Variants in ANO3 observed in about 807,000 individuals in gnomAD.
ANO3 encodes the protein anoctamin 3.
ANO3 carries 99 observed loss-of-function variants against 144.8 expected under a neutral mutation model. The ratio of observed to expected loss-of-function variants is 0.68; its 90% confidence interval spans 0.58 to 0.81. The LOEUF (loss-of-function observed/expected upper bound fraction) is 0.81, where lower values mean the gene tolerates loss of function less well. ANO3 is among the 30% of genes least tolerant of loss of function. The pLI is 0.00. For synonymous variants in ANO3, 414 were observed against 392.6 expected (o/e 1.05, Z -0.64); for missense variants, 905 against 1,202.2 (o/e 0.75, Z 3.66).
chr11:26,262,785 C>A (rs527312561), intron 1 of ANO3, among the ~76,000 whole-genome samples: 10 of 151,770 alleles, frequency 6.6e-5, no homozygotes, highest in Admixed American at 4.6e-4. Flanking sequence ...AGTGAGGATA[C>A]AATGAGAAGA....
intron 14 of ANO3, among the ~76,000 whole-genome samples, chr11:26,593,282 T>C (rs906976930): frequency 6.6e-6 from 1 of 152,194 alleles, no homozygotes; most frequent in Non-Finnish European, 1.5e-5. Flanking sequence ...TAATGGCCCC[T>C]GCTTTTGCTA....
intron 17 of ANO3, among the ~76,000 whole-genome samples, chr11:26,618,782 A>G (rs1405322434): frequency 6.6e-6 from 1 of 152,106 alleles, no homozygotes; most frequent in Non-Finnish European, 1.5e-5. Flanking sequence ...CTTTCTCCAC[A>G]GTGCTTCCTG....
At chr11:26,409,527 G>A (rs1272240654) in intron 1 of ANO3, among the ~76,000 whole-genome samples, 5 of 151,786 alleles carry the variant, frequency 3.3e-5, no homozygotes, top group African/African-American at 7.3e-5. Flanking sequence ...ATACAGTTTC[G>A]TGACCTGAAA....
chr11:26,291,982 C>G (rs10834953), intron 1 of ANO3, among the ~76,000 whole-genome samples: 1 of 151,964 alleles, frequency 6.6e-6, no homozygotes, highest in African/African-American at 2.4e-5. Flanking sequence ...GAAGTTCTCC[C>G]GGGTAATATC....
chr11:26,608,081 C>T lies in ANO3; in HGVS notation c.1836+8367C>T, dbSNP rs542612144. Among the ~76,000 whole-genome samples, 33 of 152,242 alleles carry T rather than the reference C, an allele frequency of 2.2e-4. No individual in the cohort carries two copies. In the South Asian group the frequency reaches 5.8e-3, roughly 27 times the overall value. ...TCATCTTCGTTAGTTTGTCTAGTTT[C>T]GATCTTTGAGACTGCTGACCCTTGG... On this transcript the variant is annotated intron_variant, in intron 17 of 26. Transcript: ENST00000256737.
At position 26,324,423 on chromosome 11, in the gene ANO3, G is replaced by A. The variant is rs139893577; in HGVS notation, c.-3+14704G>A. The stretch of plus-strand genomic sequence containing the variant: ...CTGAGACCCTCAGCAAGAAGTGGAA[G>A]ATTTAATTGTATCACAACATTTAAG... On this transcript the variant is annotated intron_variant, in intron 1 of 26. Coordinates refer to the ANO3 transcript ENST00000525139. 4.6e-5 allele frequency among the ~76,000 whole-genome samples: 7 copies of A among 152,264 alleles called. No homozygotes were observed. In the East Asian group the frequency reaches 1.2e-3, roughly 25 times the overall value.
chr11:26,413,586 T>G (rs1857490232), intron 1 of ANO3, among the ~76,000 whole-genome samples: 1 of 152,036 alleles, frequency 6.6e-6, no homozygotes, highest in Non-Finnish European at 1.5e-5. Flanking sequence ...AAAAATAAAT[T>G]TAGTGTGAAA....
chr11:26,371,473 T>C (rs1309168237), intron 1 of ANO3, among the ~76,000 whole-genome samples: 6 of 152,170 alleles, frequency 3.9e-5, no homozygotes, highest in Non-Finnish European at 8.8e-5. Flanking sequence ...GGGGAAAGCC[T>C]AGTGGAGCTG....
chr11:26,296,218 A>G (rs1308781256), intron 1 of ANO3, among the ~76,000 whole-genome samples: 2 of 152,230 alleles, frequency 1.3e-5, no homozygotes, highest in Admixed American at 6.5e-5. Context: ...AAGGAAAATG[A>G]GCTCTCATTA....
At chr11:26,578,045 T>C (rs7101581) in intron 14 of ANO3, among the ~76,000 whole-genome samples, 74,728 of 151,958 alleles carry the variant, frequency 0.49, 18,477 homozygotes, top group South Asian at 0.63. Context: ...AGCACATGAG[T>C]GAGACCGAGT....
rs573621932 is a variant in ANO3, at chr11:26,639,314, C to T, written c.2141+73C>T. The T allele has an allele frequency of 2.0e-5, 23 of 1,138,294 alleles. No homozygotes were observed. The South Asian group carries it at 2.8e-4, about 14-fold the overall frequency. 70.5% of individuals were successfully genotyped at this position (1,138,294 alleles called of 1,614,324 possible). A position where few individuals can be genotyped will look rare whatever the true frequency, so the allele number is the denominator to read the frequency against. On this transcript the variant is annotated intron_variant, in intron 21 of 26. Coordinates refer to ENST00000256737, the MANE Select transcript of ANO3 (RefSeq NM_031418.4). ...AAAGCTAGAGGTGGCGTGAGTAGTG[C>T]TTAAGAATTTGGTCTTGGTAATCAG...
At chr11:26,553,971 T>A (rs1850012796) in intron 13 of ANO3, among the ~76,000 whole-genome samples, 1 of 152,176 alleles carries the variant, frequency 6.6e-6, no homozygotes, top group African/African-American at 2.4e-5. Context: ...GAAATGTACC[T>A]ACTTAAAGTG....
intron 1 of ANO3, among the ~76,000 whole-genome samples, chr11:26,223,987 G>A (rs964901855): frequency 6.6e-6 from 1 of 152,136 alleles, no homozygotes; most frequent in Non-Finnish European, 1.5e-5. Flanking sequence ...GAGATTTGGA[G>A]GAGACACACA....
In ANO3 at chr11:26,553,297, CA is replaced by C; in HGVS notation, c.1340del (p.Lys447ArgfsTer17). The stretch of plus-strand genomic sequence containing the variant: ...AAGTCTTTATGTGCCCTCTCTGTGA[CA>C]AGAACTGCTCCCTGCAGAGACTCAA... ...TEVFMCPLCD[K>X]NCSLQRLNDS... On this transcript the variant is annotated frameshift_variant, in exon 13 of 27. Transcript: ENST00000256737. LOFTEE classifies it high-confidence loss of function. 1 of 1,590,944 alleles carries C rather than the reference CA, an allele frequency of 6.3e-7. No individual in the cohort carries two copies. Among genetic ancestry groups the C allele is most frequent in the Non-Finnish European group, 8.6e-7 (1 of 1,164,668 alleles).
chr11:26,303,329 A>C (rs951381291), intron 1 of ANO3, among the ~76,000 whole-genome samples: 4 of 152,190 alleles, frequency 2.6e-5, no homozygotes, highest in Non-Finnish European at 4.4e-5. Flanking sequence ...TAAAAAAAAA[A>C]TGTGGTATAT....
At chr11:26,269,717 G>A (rs1413829322) in intron 1 of ANO3, among the ~76,000 whole-genome samples, 4 of 152,224 alleles carry the variant, frequency 2.6e-5, no homozygotes, top group Admixed American at 2.0e-4. Context: ...AAGGAGTCAC[G>A]GAGTCTGGAG....
intron 20 of ANO3, among the ~76,000 whole-genome samples, chr11:26,635,853 A>G (rs1044812413): frequency 6.6e-6 from 1 of 152,220 alleles, no homozygotes; most frequent in Non-Finnish European, 1.5e-5. Context: ...ACCCAGATGC[A>G]TGATTTAATA....
chr11:26,569,652 C>G (rs1445971219), intron 14 of ANO3, among the ~76,000 whole-genome samples: 1 of 152,092 alleles, frequency 6.6e-6, no homozygotes, highest in East Asian at 1.9e-4. Flanking sequence ...GGTGGGACAG[C>G]AACTCCAGAG....
intron 4 of ANO3, among the ~76,000 whole-genome samples, chr11:26,488,969 G>A (rs370808227): frequency 1.3e-5 from 2 of 152,142 alleles, no homozygotes; most frequent in African/African-American, 4.8e-5. Flanking sequence ...AGTGCTGATT[G>A]GTGCGTTTAT....
Sources: allele counts gnomAD v4.1 joint callset (sites outside exome capture counted in the v4.1 genomes callset), GRCh38; gene constraint gnomAD v4.1.1; transcripts MANE v1.5; gene names NCBI Gene and HGNC (gene_info 2026-07-23, HGNC 2026-07-21).